Variants in NPIPB2 observed in about 807,000 individuals in gnomAD.
The protein encoded by NPIPB2 is nuclear pore complex-interacting protein family member B2.
In NPIPB2, 27 loss-of-function variants were observed where a neutral mutation model predicts 30.8. The observed-to-expected ratio is 0.88, with a 90% CI of 0.65 to 1.21. The LOEUF (loss-of-function observed/expected upper bound fraction) is 1.21. Ranked by LOEUF, NPIPB2 falls within the 50% of genes most tolerant of loss-of-function variation. NPIPB2 has a pLI of 0.00. For missense variants in NPIPB2, 440 were observed against 446.2 expected (o/e 0.99, Z 0.13); for synonymous variants, 147 against 162.0 (o/e 0.91, Z 0.70).
intron 1 of NPIPB2, among the ~76,000 whole-genome samples, chr16:11,971,194 T>A (rs531067624): frequency 6.6e-6 from 1 of 152,122 alleles, no homozygotes; most frequent in Non-Finnish European, 1.5e-5. Flanking sequence ...TGTTGTGTGC[T>A]AGGTCAGTCA....
chr16:11,941,858 A>G, intron 1 of NPIPB2, 125 bp downstream of exon 1: 1 of 927,612 alleles, frequency 1.1e-6, no homozygotes, highest in Non-Finnish European at 1.7e-6. Flanking sequence ...GTCCTCCCCA[A>G]CCAGCTCCCT....
chr16:11,951,619 T>TACACACACAC (rs1237887146), intron 1 of NPIPB2, among the ~76,000 whole-genome samples: 169 of 115,876 alleles, frequency 1.5e-3, no homozygotes, highest in African/African-American at 5.1e-3. Context: ...ACACTGCACA[T>TACACACACAC]ACACATACAC....
chr16:11,941,312 G>T lies in NPIPB2; in HGVS notation c.63+671C>A. 11 of 1,133,600 alleles carry T rather than the reference G, an allele frequency of 9.7e-6. No individual in the cohort carries two copies. The South Asian group carries it at 1.3e-4, about 13-fold the overall frequency. 70.2% of individuals were successfully genotyped at this position (1,133,600 alleles called of 1,614,324 possible). On this transcript the variant is annotated intron_variant, in intron 1 of 7. Transcript: ENST00000399147. ...TGGAGGTGGCTTAGGGCAGGGGGAGGGAAGGGGACAGGGACCGGGCCGGAT... is the reference window on the plus strand; with the variant it reads ...TGGAGGTGGCTTAGGGCAGGGGGAGTGAAGGGGACAGGGACCGGGCCGGAT...
chr16:11,941,751 G>T (rs1324835738), intron 1 of NPIPB2: 2 of 886,366 alleles, frequency 2.3e-6, no homozygotes, highest in Non-Finnish European at 3.6e-6. Context: ...ATGCCAAGTA[G>T]CGCCCGCATC....
intron 4 of NPIPB2, 65 bp downstream of exon 4, chr16:11,933,452 T>C (rs1279950924): frequency 1.3e-6 from 2 of 1,591,880 alleles, no homozygotes; most frequent in Non-Finnish European, 1.7e-6. Context: ...TCAAGGACTT[T>C]ACAGTTGTCT....
At chr16:11,946,428 G>C (rs999978763), upstream of NPIPB2, among the ~76,000 whole-genome samples, 4 of 148,986 alleles carry the variant, frequency 2.7e-5, no homozygotes, top group African/African-American at 9.8e-5. Context: ...TTAGCCAGGC[G>C]CAGTGGTGTG....
chr16:11,938,051 C>G (rs566836289), intron 1 of NPIPB2, among the ~76,000 whole-genome samples: 1 of 152,254 alleles, frequency 6.6e-6, no homozygotes. Context: ...TTCCGCTCCA[C>G]TCAGTCGCCC....
intron 1 of NPIPB2, among the ~76,000 whole-genome samples, chr16:11,947,502 G>A (rs2055023729): frequency 6.6e-6 from 1 of 151,234 alleles, no homozygotes; most frequent in African/African-American, 2.4e-5. Context: ...ACGATGCCAC[G>A]CCCCGCTAAT....
intron 1 of NPIPB2, chr16:11,976,549 C>G (rs912844605): frequency 6.4e-5 from 23 of 357,078 alleles, no homozygotes; most frequent in African/African-American, 4.5e-4. Context: ...GACGCCTCCT[C>G]GCGGGGTCTC....
chr16:11,959,868 T>C (rs550403333), intron 1 of NPIPB2, among the ~76,000 whole-genome samples: 1 of 152,236 alleles, frequency 6.6e-6, no homozygotes, highest in African/African-American at 2.4e-5. Flanking sequence ...CTCAACCTCC[T>C]AGGTTCAGGT....
chr16:11,973,868 G>T (rs568120350), intron 1 of NPIPB2, among the ~76,000 whole-genome samples: 1 of 152,332 alleles, frequency 6.6e-6, no homozygotes, highest in South Asian at 2.1e-4. Context: ...CTGGGGAGAA[G>T]AGGAATTCTG....
At position 11,935,473 on chromosome 16, in the gene NPIPB2, C is replaced by T. The variant is rs189987486; in HGVS notation, c.193-1549G>A. 1.5e-3 allele frequency among the ~76,000 whole-genome samples: 222 copies of T among 152,228 alleles called. 1 individual carries two copies. The highest frequency in any genetic ancestry group is 5.2e-3 in the African/African-American group (218 of 41,532). ...GGATTACAGGTGTCTGCTACCATGC[C>T]TGGCTAATTTTTGTCTTTTTAGTAG... On this transcript the variant is annotated intron_variant, in intron 2 of 7. Transcript: ENST00000399147.
chr16:11,934,484 A>C (rs2054837763), intron 2 of NPIPB2, among the ~76,000 whole-genome samples: 1 of 148,592 alleles, frequency 6.7e-6, no homozygotes, highest in African/African-American at 2.5e-5. Flanking sequence ...ACCCAGCAGG[A>C]AAAGGTTGTG....
intron 1 of NPIPB2, among the ~76,000 whole-genome samples, chr16:11,960,616 C>T (rs1241661021): frequency 1.3e-5 from 2 of 152,108 alleles, no homozygotes; most frequent in Non-Finnish European, 2.9e-5. Flanking sequence ...CCTCAGCCTC[C>T]CAAAGTGCTG....
At chr16:11,967,454 TAA>T in intron 1 of NPIPB2, 2 of 1,149,394 alleles carry the variant, frequency 1.7e-6, no homozygotes, top group Non-Finnish European at 2.5e-6. Context: ...ACCCCACCTC[TAA>T]AAAATGAAAA....
intron 1 of NPIPB2, among the ~76,000 whole-genome samples, chr16:11,970,776 T>C (rs2055230875): frequency 6.6e-6 from 1 of 151,902 alleles, no homozygotes; most frequent in African/African-American, 2.4e-5. Context: ...CCTCGTGATC[T>C]ACCTGCCTTG....
intron 2 of NPIPB2, among the ~76,000 whole-genome samples, chr16:11,937,312 T>C (rs2054881039): frequency 6.6e-6 from 1 of 152,224 alleles, no homozygotes; most frequent in Non-Finnish European, 1.5e-5. Context: ...AAAAACTTAT[T>C]TTTGACCAAA....
At chr16:11,971,335 C>G (rs912980407) in intron 1 of NPIPB2, among the ~76,000 whole-genome samples, 3 of 145,274 alleles carry the variant, frequency 2.1e-5, no homozygotes, top group African/African-American at 7.7e-5. Flanking sequence ...TGGGCTACAA[C>G]TTTGTTTTAT....
At chr16:11,931,827 A>G (rs1217502886) in intron 4 of NPIPB2, among the ~76,000 whole-genome samples, 7 of 152,222 alleles carry the variant, frequency 4.6e-5, no homozygotes, top group Non-Finnish European at 1.0e-4. Context: ...ACATGGCAGT[A>G]AACAGACAAG....
Sources: allele counts gnomAD v4.1 joint callset (sites outside exome capture counted in the v4.1 genomes callset), GRCh38; gene constraint gnomAD v4.1.1; transcripts MANE v1.5; gene names NCBI Gene and HGNC (gene_info 2026-07-23, HGNC 2026-07-21).